CCDC171: variants seen among roughly 807,000 people sequenced by gnomAD.
CCDC171 encodes the protein coiled-coil domain-containing protein 171.
In CCDC171, 177 loss-of-function variants were observed where a neutral mutation model predicts 168.2. The ratio of observed to expected loss-of-function variants is 1.05; its 90% CI spans 0.93 to 1.19. The LOEUF (loss-of-function observed/expected upper bound fraction) is 1.19, where lower values mean the gene tolerates loss of function less well. Ranked by LOEUF, CCDC171 falls within the 50% of genes most tolerant of loss-of-function variation. The pLI is 0.00. For synonymous variants in CCDC171, 687 were observed against 540.8 expected, an observed-to-expected ratio of 1.27 and a Z score of -3.75; for missense variants, 1,991 against 1,539.0, an observed-to-expected ratio of 1.29 and a Z score of -4.91.
At chr9:16,068,412 C>G in the CCDC171 span, among the ~76,000 whole-genome samples, 1 of 152,140 alleles carries the variant, frequency 6.6e-6, no homozygotes, top group Non-Finnish European at 1.5e-5. Flanking sequence ...AATGCCATCC[C>G]CATCAAGCTA....
intron 23 of CCDC171, among the ~76,000 whole-genome samples, chr9:15,861,904 G>A (rs1294214114): frequency 1.3e-5 from 2 of 151,894 alleles, no homozygotes; most frequent in Non-Finnish European, 2.9e-5. Context: ...ACTGCCTTTA[G>A]CGCTCCTTGT....
At chr9:15,601,224 G>A (rs544662147) in intron 6 of CCDC171, among the ~76,000 whole-genome samples, 3 of 152,288 alleles carry the variant, frequency 2.0e-5, no homozygotes, top group African/African-American at 2.4e-5. Flanking sequence ...CTTTTGCATC[G>A]CTCTTGCTGG....
chr9:15,979,960 G>C (rs1381049370), intron 3 of CCDC171, among the ~76,000 whole-genome samples: 1 of 151,654 alleles, frequency 6.6e-6, no homozygotes, highest in African/African-American at 2.4e-5. Context: ...CTTTTTAATT[G>C]TGGTAAAATA....
At chr9:16,049,408 C>A (rs1461430998) in intron 1 of CCDC171, among the ~76,000 whole-genome samples, 1 of 152,128 alleles carries the variant, frequency 6.6e-6, no homozygotes, top group Non-Finnish European at 1.5e-5. Context: ...GTGTGTGAGT[C>A]TGAATGAATT....
intron 25 of CCDC171, among the ~76,000 whole-genome samples, chr9:15,939,055 A>C (rs913591873): frequency 2.0e-5 from 3 of 150,718 alleles, no homozygotes; most frequent in African/African-American, 7.3e-5. Context: ...AATTATGTAC[A>C]CCCTAGCTGG....
At chr9:16,046,697 G>T (rs186276907) in intron 1 of CCDC171, among the ~76,000 whole-genome samples, 1 of 152,006 alleles carries the variant, frequency 6.6e-6, no homozygotes, top group African/African-American at 2.4e-5. Flanking sequence ...GTTTTATAAG[G>T]GGTTTCCCTT....
intron 24 of CCDC171, among the ~76,000 whole-genome samples, chr9:15,903,074 G>C (rs2987046): frequency 0.86 from 130,380 of 152,204 alleles, 55,913 homozygotes; most frequent in East Asian, 0.96. Context: ...TCAAGGAAGC[G>C]TGCCTGCCTC....
intron 21 of CCDC171, among the ~76,000 whole-genome samples, chr9:15,805,083 G>C (rs1415148787): frequency 6.6e-6 from 1 of 152,104 alleles, no homozygotes; most frequent in South Asian, 2.1e-4. Flanking sequence ...TTGTATTTCT[G>C]TGGGGTCAGT....
At chr9:15,941,844 C>T (rs1299626221) in intron 25 of CCDC171, among the ~76,000 whole-genome samples, 2 of 151,734 alleles carry the variant, frequency 1.3e-5, no homozygotes, top group South Asian at 2.1e-4. Context: ...AAAGGGTTAC[C>T]TATCTATTGT....
In CCDC171 at chr9:16,048,949, C is replaced by CAA. The variant is rs34680045; in HGVS notation, n.89+6076_89+6077dup. On this transcript the variant is annotated intron_variant and non_coding_transcript_variant, in intron 1 of 1. Transcript: ENST00000478913. ...TGGTGCCAATCATAATATAGAAAGA[C>CAA]AAAAAAAAAAAAAACCCAAACACCA... Among the ~76,000 whole-genome samples the CAA allele has an allele frequency of 5.5e-3, 754 of 137,130 alleles. 8 individuals are homozygous for CAA. Among genetic ancestry groups the CAA allele is most frequent in the Admixed American group, 7.1e-3 (99 of 13,922 alleles). The allele number at this position is 137,130 out of a possible 152,430, so 90.0% of individuals were successfully genotyped here.
intron 24 of CCDC171, among the ~76,000 whole-genome samples, chr9:15,898,233 C>G (rs1271517354): frequency 6.6e-6 from 1 of 152,170 alleles, no homozygotes; most frequent in African/African-American, 2.4e-5. Flanking sequence ...TTATTTACTT[C>G]CATACATTCT....
At chr9:15,586,040 C>T (rs1356426568) in intron 4 of CCDC171, among the ~76,000 whole-genome samples, 1 of 152,096 alleles carries the variant, frequency 6.6e-6, no homozygotes, top group South Asian at 2.1e-4. Context: ...ACTAGATGTA[C>T]ATTTTATCTG....
chr9:16,075,055 A>G, the CCDC171 span, among the ~76,000 whole-genome samples: 2 of 152,212 alleles, frequency 1.3e-5, no homozygotes, highest in Admixed American at 6.5e-5. Flanking sequence ...TGATGGTTAC[A>G]TGGTTCTTGC....
At chr9:16,104,845 A>T in the CCDC171 span, among the ~76,000 whole-genome samples, 11 of 152,044 alleles carry the variant, frequency 7.2e-5, no homozygotes, top group African/African-American at 2.4e-4. Flanking sequence ...GCCTTGACCT[A>T]CGGGGCTCAG....
intron 23 of CCDC171, among the ~76,000 whole-genome samples, chr9:15,870,536 C>G (rs964320785): frequency 5.9e-5 from 9 of 151,842 alleles, no homozygotes; most frequent in African/African-American, 1.4e-4. Context: ...ATTCAGGATT[C>G]AGACACTGTA....
At chr9:15,984,873 G>A (rs979469852) in intron 3 of CCDC171, among the ~76,000 whole-genome samples, 3 of 151,962 alleles carry the variant, frequency 2.0e-5, no homozygotes, top group African/African-American at 7.2e-5. Flanking sequence ...AGTCACTATG[G>A]ACTTTTGCAC....
At chr9:15,866,385 G>C (rs2061786661) in intron 23 of CCDC171, among the ~76,000 whole-genome samples, 1 of 151,994 alleles carries the variant, frequency 6.6e-6, no homozygotes, top group Admixed American at 6.6e-5. Flanking sequence ...GGTTGAACCA[G>C]AAGAGTGATG....
the CCDC171 span, among the ~76,000 whole-genome samples, chr9:16,095,550 C>G: frequency 6.6e-6 from 1 of 152,046 alleles, no homozygotes; most frequent in Non-Finnish European, 1.5e-5. Flanking sequence ...CTTTCTCTCT[C>G]TCTCTCGCGC....
At chr9:15,788,970 C>A (rs1293999386) in intron 21 of CCDC171, among the ~76,000 whole-genome samples, 4 of 151,440 alleles carry the variant, frequency 2.6e-5, no homozygotes, top group Admixed American at 2.0e-4. Flanking sequence ...GCAATAAATG[C>A]ACTGCATTTA....
Sources: allele counts gnomAD v4.1 joint callset (sites outside exome capture counted in the v4.1 genomes callset), GRCh38; gene constraint gnomAD v4.1.1; transcripts MANE v1.5; gene names NCBI Gene and HGNC (gene_info 2026-07-23, HGNC 2026-07-21).